Variants in LYRM1 observed in about 807,000 individuals in gnomAD.
The protein encoded by LYRM1 is LYR motif containing 1, also known as LYR motif-containing protein 1.
In LYRM1, 14 loss-of-function variants were observed where a neutral mutation model predicts 14.9. The ratio of observed to expected loss-of-function variants is 0.94; its 90% CI spans 0.62 to 1.47. The LOEUF (loss-of-function observed/expected upper bound fraction) is 1.47. Ranked by LOEUF, LYRM1 falls within the 40% of genes most tolerant of loss-of-function variation. The pLI is 0.00. For missense variants in LYRM1, 153 were observed against 149.9 expected (o/e 1.02, Z -0.11); for synonymous variants, 43 against 56.2 (o/e 0.77, Z 1.05).
rs141401353 is a variant in LYRM1, at chr16:20,916,308, AC to A, written c.159+600del. Among the ~76,000 whole-genome samples the A allele has an allele frequency of 8.4e-3, 1,282 of 151,818 alleles. 29 individuals carry two copies. The highest frequency in any genetic ancestry group is 0.029 in the African/African-American group (1,213 of 41,406). ...ACACAGCAGGGAGCCAGATTGGACCACCCCCCTACAAACCCTAAAGCGTTAG... is the reference window on the plus strand; with the variant it reads ...ACACAGCAGGGAGCCAGATTGGACCACCCCCTACAAACCCTAAAGCGTTAG... On this transcript the variant is annotated intron_variant, in intron 2 of 3. Transcript: ENST00000567954.
intron 2 of LYRM1, among the ~76,000 whole-genome samples, chr16:20,919,873 A>T (rs887078160): frequency 6.6e-6 from 1 of 152,242 alleles, no homozygotes; most frequent in African/African-American, 2.4e-5. Context: ...GAGGAACTGG[A>T]ATAGAGGAGT....
chr16:20,916,960 G>A (rs911644569), intron 2 of LYRM1, among the ~76,000 whole-genome samples: 25 of 151,228 alleles, frequency 1.7e-4, no homozygotes, highest in African/African-American at 5.6e-4. Flanking sequence ...GCTCACGCCT[G>A]TAATCCTACC....
rs1006241639 is a variant in LYRM1 at position 20,913,880 on chromosome 16, C to T, written c.1-1676C>T. Among the ~76,000 whole-genome samples the T allele has an allele frequency of 3.9e-5, 6 of 152,026 alleles. No individual in the cohort carries two copies. The East Asian group carries it at 9.7e-4, about 25-fold the overall frequency. Reference sequence around the variant, plus strand: ...CTGGAGTGCAGTGGCCGGATCTCAGCTTACTGCAAGCTCCGCCTCCCGGGT... The same window carrying T: ...CTGGAGTGCAGTGGCCGGATCTCAGTTTACTGCAAGCTCCGCCTCCCGGGT... On this transcript the variant is annotated intron_variant, in intron 1 of 3. Transcript: ENST00000567954.
chr16:20,906,070 T>TC (rs1161575781), intron 1 of LYRM1, among the ~76,000 whole-genome samples: 1 of 151,964 alleles, frequency 6.6e-6, no homozygotes, highest in Non-Finnish European at 1.5e-5. Flanking sequence ...GTCCCAAATC[T>TC]CCCCCTGCTC....
At chr16:20,918,549 T>C (rs548427513) in intron 2 of LYRM1, among the ~76,000 whole-genome samples, 1 of 152,316 alleles carries the variant, frequency 6.6e-6, no homozygotes, top group South Asian at 2.1e-4. Flanking sequence ...GGCAGAATCA[T>C]GCAGCCAGCC....
At chr16:20,909,849 A>T (rs2082501979) in intron 1 of LYRM1, among the ~76,000 whole-genome samples, 1 of 152,242 alleles carries the variant, frequency 6.6e-6, no homozygotes, top group Admixed American at 6.5e-5. Flanking sequence ...TACTGATTAT[A>T]TACCTTTCTA....
intron 2 of LYRM1, among the ~76,000 whole-genome samples, chr16:20,916,751 C>T (rs573444293): frequency 1.3e-5 from 2 of 152,302 alleles, no homozygotes; most frequent in South Asian, 2.1e-4. Flanking sequence ...TGTCACAGCT[C>T]CTGTCACCAC....
chr16:20,914,889 T>TA (rs2082795695), intron 1 of LYRM1, among the ~76,000 whole-genome samples: 1 of 152,228 alleles, frequency 6.6e-6, no homozygotes, highest in Non-Finnish European at 1.5e-5. Context: ...ATTTCTCCCT[T>TA]AACTAGAAAA....
intron 1 of LYRM1, among the ~76,000 whole-genome samples, chr16:20,906,182 C>T (rs1315256237): frequency 6.6e-6 from 1 of 152,084 alleles, no homozygotes; most frequent in Non-Finnish European, 1.5e-5. Flanking sequence ...AGGGGTATGC[C>T]AGAGGTGCCA....
At position 20,914,311 on chromosome 16, in the gene LYRM1, C is replaced by T. The variant is rs1184239379; in HGVS notation, c.1-1245C>T. 9.6e-5 allele frequency among the ~76,000 whole-genome samples: 12 copies of T among 124,726 alleles called. No homozygotes were observed. In the East Asian group the frequency reaches 2.2e-3, roughly 23 times the overall value. The allele number at this position is 124,726 out of a possible 152,430, so 81.8% of individuals were successfully genotyped here. On this transcript the variant is annotated intron_variant, in intron 1 of 3. Transcript: ENST00000567954. ...TTTTTTTTTTTTTTCTTTTTGGAGA[C>T]GGAGTTTCACTCTGTTGCCCAGGCT...
rs533536359 is a variant in LYRM1, at chr16:20,924,314, C to G, written c.*198C>G. On this transcript the variant is annotated 3_prime_UTR_variant, in exon 4 of 4. Coordinates refer to ENST00000567954, the MANE Select transcript of LYRM1 (RefSeq NM_001128302.3). ...TTTCTTCCTGAGTGGATGGCATTAT[C>G]CCTAGAGGTCATGGACCTTACATCC... 67 of 514,362 alleles carry G rather than the reference C, an allele frequency of 1.3e-4. 1 individual carries two copies. The highest frequency in any genetic ancestry group is 1.1e-3 in the African/African-American group (58 of 51,922). The allele number at this position is 514,362 out of a possible 1,614,324, so 31.9% of individuals were successfully genotyped here. A position where few individuals can be genotyped will look rare whatever the true frequency, so the allele number is the denominator to read the frequency against.
intron 3 of LYRM1, 115 bp from the exon 4 acceptor site, chr16:20,923,885 C>A: frequency 1.7e-6 from 1 of 586,502 alleles, no homozygotes. Context: ...ATTAATGAAT[C>A]AATGTAGATA....
chr16:20,910,280 G>C (rs994834758), intron 1 of LYRM1, among the ~76,000 whole-genome samples: 2 of 152,190 alleles, frequency 1.3e-5, no homozygotes, highest in African/African-American at 4.8e-5. Context: ...GGAAGGAAAT[G>C]GTAGGCTAGA....
chr16:20,904,011 G>A (rs578186821), intron 1 of LYRM1, among the ~76,000 whole-genome samples: 1 of 152,040 alleles, frequency 6.6e-6, no homozygotes, highest in South Asian at 2.1e-4. Context: ...TTTAGCATTG[G>A]CCTTCAATTC....
At chr16:20,923,355 C>G (rs1166371631) in intron 3 of LYRM1, among the ~76,000 whole-genome samples, 1 of 151,844 alleles carries the variant, frequency 6.6e-6, no homozygotes, top group African/African-American at 2.4e-5. Flanking sequence ...CAAAAATTAG[C>G]CGGGCGTGGT....
chr16:20,923,144 C>A (rs530294519), intron 3 of LYRM1, among the ~76,000 whole-genome samples: 1 of 152,290 alleles, frequency 6.6e-6, no homozygotes, highest in South Asian at 2.1e-4. Flanking sequence ...AACACCCTCA[C>A]AGATACACCT....
chr16:20,904,013 C>A (rs545393681), intron 1 of LYRM1, among the ~76,000 whole-genome samples: 2 of 152,040 alleles, frequency 1.3e-5, no homozygotes, highest in Admixed American at 1.3e-4. Context: ...TAGCATTGGC[C>A]TTCAATTCCA....
intron 2 of LYRM1, among the ~76,000 whole-genome samples, chr16:20,917,062 A>G (rs1049091665): frequency 9.2e-5 from 14 of 151,908 alleles, no homozygotes; most frequent in Non-Finnish European, 1.6e-4. Flanking sequence ...TTAAAAAAAA[A>G]AAAAAAAAAG....
intron 1 of LYRM1, among the ~76,000 whole-genome samples, chr16:20,909,530 A>G (rs1411898469): frequency 1.3e-5 from 2 of 152,258 alleles, no homozygotes; most frequent in African/African-American, 4.8e-5. Flanking sequence ...AGAAAATCCC[A>G]GCAGACCCCA....
Sources: gnomAD v4.1 joint callset for allele counts (sites outside exome capture counted in the v4.1 genomes callset) on GRCh38, gnomAD v4.1.1 for gene constraint, MANE v1.5 for transcripts, NCBI Gene and HGNC (gene_info 2026-07-23, HGNC 2026-07-21) for gene names.